The following BUD13 variants were observed in gnomAD, a reference collection of about 807,000 sequenced individuals.
BUD13 encodes the protein BUD13 spliceosome associated protein.
Under a neutral mutation model 62.5 loss-of-function variants are expected in BUD13, and 47 were observed. The ratio of observed to expected loss-of-function variants is 0.75; its 90% CI spans 0.60 to 0.96. The LOEUF (loss-of-function observed/expected upper bound fraction) is 0.96, where lower values mean the gene tolerates loss of function less well. Ranked by LOEUF, BUD13 falls within the 40% of genes least tolerant of loss-of-function variation. BUD13 has a pLI of 0.00. For synonymous variants in BUD13, 293 were observed against 280.1 expected (o/e 1.05, Z -0.46); for missense variants, 821 against 790.9 (o/e 1.04, Z -0.46).
chr11:116,762,808 T>C lies in BUD13; in HGVS notation c.781A>G (p.Thr261Ala). Reference protein sequence around the residue: ...TSRRTLGSSDTQQLRRARHDS... With the variant: ...TSRRTLGSSDAQQLRRARHDS... ...TGACGGGCCCTTCTGAGTTGCTGTGTGTCTGAAGAGCCAAGAGTCCTCCTA... is the reference window on the plus strand; with the variant it reads ...TGACGGGCCCTTCTGAGTTGCTGTGCGTCTGAAGAGCCAAGAGTCCTCCTA... The change falls in exon 4 of 10, where the codon ACA becomes GCA. Residue 261 changes from threonine to alanine, a missense_variant. Around this residue, in one of 2 missense-constraint regions of BUD13, gnomAD observed 800 missense variants for 739.2 expected, o/e 1.08. Coordinates refer to ENST00000260210, the MANE Select transcript of BUD13 (RefSeq NM_032725.4). 1 of 1,611,108 alleles carries C rather than the reference T, an allele frequency of 6.2e-7. No individual in the cohort carries two copies. Among genetic ancestry groups the C allele is most frequent in the Non-Finnish European group, 8.5e-7 (1 of 1,179,068 alleles).
At chr11:116,751,968 G>A (rs1036545559) in intron 9 of BUD13, among the ~76,000 whole-genome samples, 1 of 152,098 alleles carries the variant, frequency 6.6e-6, no homozygotes, top group Non-Finnish European at 1.5e-5. Context: ...TTTTGAGACG[G>A]AGTCTTGCTC....
At chr11:116,762,426 C>A in intron 4 of BUD13, 127 bp downstream of exon 4, 1 of 795,264 alleles carries the variant, frequency 1.3e-6, no homozygotes, top group South Asian at 2.0e-5. Context: ...CTCTCCCAAA[C>A]CCAGCCTCTC....
At chr11:116,756,216 A>AT (rs947081007) in intron 9 of BUD13, among the ~76,000 whole-genome samples, 22 of 151,884 alleles carry the variant, frequency 1.4e-4, no homozygotes, top group African/African-American at 5.3e-4. Flanking sequence ...GTGGTTGGGC[A>AT]TGGTGGCTCA....
chr11:116,754,658 T>C (rs1395081228), intron 9 of BUD13, among the ~76,000 whole-genome samples: 3 of 152,196 alleles, frequency 2.0e-5, no homozygotes, highest in African/African-American at 7.2e-5. Flanking sequence ...AAAAACTAAA[T>C]GTTTTCTTCC....
intron 1 of BUD13, 24 bp from the exon 2 acceptor site, chr11:116,770,246 A>T: frequency 6.3e-7 from 1 of 1,581,544 alleles, no homozygotes; most frequent in Non-Finnish European, 8.6e-7. Context: ...AGAAGATCAA[A>T]AAGAGTCATT....
At chr11:116,769,231 T>C (rs1388698829) in intron 2 of BUD13, among the ~76,000 whole-genome samples, 1 of 152,144 alleles carries the variant, frequency 6.6e-6, no homozygotes, top group Non-Finnish European at 1.5e-5. Context: ...ACTCAGTATT[T>C]ACATCTTTCA....
intron 9 of BUD13, 144 bp from the exon 10 acceptor site, chr11:116,748,719 G>T: frequency 1.2e-6 from 1 of 841,830 alleles, no homozygotes; most frequent in Non-Finnish European, 1.8e-6. Context: ...CGGGCACGGC[G>T]GCTCACGCCT....
intron 7 of BUD13, 58 bp from the exon 8 acceptor site, chr11:116,758,008 C>T (rs528650732): frequency 2.5e-5 from 40 of 1,584,864 alleles, no homozygotes; most frequent in Middle Eastern, 2.1e-4. Flanking sequence ...CACTTCTACA[C>T]GAGATGGACC....
At position 116,757,841 on chromosome 11, in the gene BUD13, C is replaced by T. The variant is rs764509956; in HGVS notation, c.1609G>A (p.Glu537Lys). ...DDEDLDRMLREQEREGDPMAN... is the reference protein window; with the variant it reads ...DDEDLDRMLRKQEREGDPMAN... ...ATAGGGTCCCCCTCTCTTTCCTGTTCTCTTAGCATCCTATCCAGATCTTCG... is the reference window on the plus strand; with the variant it reads ...ATAGGGTCCCCCTCTCTTTCCTGTTTTCTTAGCATCCTATCCAGATCTTCG... The change falls in exon 8 of 10, where the codon GAA becomes AAA. Residue 537 changes from glutamate (E) to lysine (K), a missense_variant. Transcript: ENST00000260210. The T allele has an allele frequency of 3.1e-6, 5 of 1,614,062 alleles. No homozygotes were observed. The highest frequency in any genetic ancestry group is 4.2e-6 in the Non-Finnish European group (5 of 1,180,044).
At chr11:116,752,969 G>A (rs548956258) in intron 9 of BUD13, among the ~76,000 whole-genome samples, 186 of 152,294 alleles carry the variant, frequency 1.2e-3, no homozygotes, top group African/African-American at 4.4e-3. Context: ...AGAAGACAAC[G>A]CCTTAGGCCC....
intron 6 of BUD13, 115 bp downstream of exon 6, chr11:116,758,959 C>T (rs937385993): frequency 1.3e-6 from 1 of 743,694 alleles, no homozygotes; most frequent in East Asian, 2.5e-5. Context: ...ATGCATAAAA[C>T]CAGAGCTGAA....
intron 5 of BUD13, among the ~76,000 whole-genome samples, chr11:116,760,434 A>C (rs973651471): frequency 6.6e-6 from 1 of 152,256 alleles, no homozygotes; most frequent in Non-Finnish European, 1.5e-5. Flanking sequence ...TGCAAATTAC[A>C]GTCCTCGGTT....
At chr11:116,771,131 T>C (rs2063247232) in intron 1 of BUD13, among the ~76,000 whole-genome samples, 1 of 152,192 alleles carries the variant, frequency 6.6e-6, no homozygotes, top group African/African-American at 2.4e-5. Context: ...TTAACTTCCT[T>C]TGGCAAACTT....
chr11:116,759,228 G>C (rs1164946833), intron 5 of BUD13, 49 bp from the exon 6 acceptor site: 1 of 1,356,528 alleles, frequency 7.4e-7, no homozygotes, highest in African/African-American at 1.4e-5. Context: ...TGATGTGACA[G>C]TAGGCTCCAT....
At position 116,758,305 on chromosome 11, in the gene BUD13, G is replaced by A; in HGVS notation, c.1463C>T (p.Ser488Leu). The change falls in exon 7 of 10, where the codon TCA (serine) becomes TTA (leucine). Residue 488 changes from serine to leucine, a missense_variant. This residue lies in a region of BUD13 where 800 missense variants were observed against 739.2 expected (regional missense o/e 1.08). Coordinates refer to ENST00000260210, the MANE Select transcript of BUD13 (RefSeq NM_032725.4). ...LEQRRKAEKDSERDELYAQWG... is the reference protein window; with the variant it reads ...LEQRRKAEKDLERDELYAQWG... ...CTGGGCATACAGCTCATCTCTCTCT[G>A]AGTCCTTTTCTGCTTTCCTCCTTTG... 6 of 1,614,142 alleles carry A rather than the reference G, an allele frequency of 3.7e-6. No individual in the cohort carries two copies. The highest frequency in any genetic ancestry group is 1.1e-5 in the South Asian group (1 of 91,076).
chr11:116,762,490 A>G, intron 4 of BUD13, 63 bp downstream of exon 4: 1 of 1,350,500 alleles, frequency 7.4e-7, no homozygotes, highest in Non-Finnish European at 1.0e-6. Flanking sequence ...TAAATCAACT[A>G]AACGGCCAAA....
At chr11:116,758,857 G>A (rs767943180) in intron 6 of BUD13, among the ~76,000 whole-genome samples, 5 of 151,988 alleles carry the variant, frequency 3.3e-5, no homozygotes, top group Non-Finnish European at 5.9e-5. Context: ...CTACCAAAGT[G>A]CTGGGATTAC....
In BUD13 at chr11:116,770,180, G is replaced by A. The variant is rs539117354; in HGVS notation, c.186C>T (p.Ser62=). 1.7e-5 allele frequency: 27 copies of A among 1,613,594 alleles called. No individual in the cohort carries two copies. The South Asian group carries it at 2.2e-4, about 13-fold the overall frequency. The change falls in exon 2 of 10, where the codon TCC becomes TCT. Residue 62 remains serine (S), a synonymous_variant. Coordinates refer to ENST00000260210, the MANE Select transcript of BUD13 (RefSeq NM_032725.4). ...CTTCCTCCTTTTCTAGTTTGGTTGT[G>A]GAGATAGCTGTCCAGCTCACATCAT... The part of the protein sequence containing the change: ...VDDDVSWTAI[S]TTKLEKEEEE...
intron 2 of BUD13, among the ~76,000 whole-genome samples, chr11:116,767,878 TAGG>T (rs1260095235): frequency 6.6e-6 from 1 of 150,928 alleles, no homozygotes; most frequent in Admixed American, 6.6e-5. Context: ...AGGACTAAGG[TAGG>T]AGGATTGCTT....
Sources: allele counts gnomAD v4.1 joint callset (sites outside exome capture counted in the v4.1 genomes callset), GRCh38; gene constraint gnomAD v4.1.1; regional missense constraint gnomAD v4.1.1; transcripts MANE v1.5; gene names NCBI Gene and HGNC (gene_info 2026-07-23, HGNC 2026-07-21).